The following DDX10 variants were observed in gnomAD, a reference collection of about 807,000 sequenced individuals.
DDX10 encodes the protein DEAD-box helicase 10.
DDX10 carries 74 observed loss-of-function variants against 104.3 expected under a neutral mutation model. The observed-to-expected ratio is 0.71, with a 90% CI of 0.59 to 0.86. The LOEUF is 0.86. DDX10 is among the 40% of genes least tolerant of loss of function. DDX10 has a pLI of 0.00. For synonymous variants in DDX10, 351 were observed against 353.4 expected (o/e 0.99, Z 0.08); for missense variants, 952 against 1,040.0 (o/e 0.92, Z 1.16).
At chr11:108,901,395 G>T (rs1863515325) in intron 16 of DDX10, among the ~76,000 whole-genome samples, 1 of 152,164 alleles carries the variant, frequency 6.6e-6, no homozygotes, top group African/African-American at 2.4e-5. Flanking sequence ...AAAGATATTT[G>T]TGTGATTTAA....
chr11:108,665,113 C>G lies in DDX10; in HGVS notation c.-41C>G, dbSNP rs371202116. On this transcript the variant is annotated 5_prime_UTR_variant, in exon 1 of 18. Coordinates refer to ENST00000322536, the MANE Select transcript of DDX10 (RefSeq NM_004398.4). ...TCCGTGAGTCTGGCCTTAGGTGTCTCGTGTCTGGGGTTGATCCGAGCTGTC... is the reference window on the plus strand; with the variant it reads ...TCCGTGAGTCTGGCCTTAGGTGTCTGGTGTCTGGGGTTGATCCGAGCTGTC... 372 of 1,562,724 alleles carry G rather than the reference C, an allele frequency of 2.4e-4. No individual in the cohort carries two copies. Among genetic ancestry groups the G allele is most frequent in the Admixed American group, 6.0e-4 (30 of 50,388 alleles).
chr11:108,870,242 A>G (rs1863062409), intron 16 of DDX10, among the ~76,000 whole-genome samples: 1 of 152,164 alleles, frequency 6.6e-6, no homozygotes, highest in Admixed American at 6.5e-5. Flanking sequence ...ATGAATTACT[A>G]ATTGTAACAG....
chr11:108,822,052 T>C (rs1259124014), intron 13 of DDX10, among the ~76,000 whole-genome samples: 1 of 152,264 alleles, frequency 6.6e-6, no homozygotes, highest in Non-Finnish European at 1.5e-5. Context: ...AAGATGGCAT[T>C]CACCATCTTT....
At chr11:108,796,257 A>G (rs770312026) in intron 13 of DDX10, among the ~76,000 whole-genome samples, 10 of 152,144 alleles carry the variant, frequency 6.6e-5, no homozygotes, top group Non-Finnish European at 1.3e-4. Flanking sequence ...CTGACGTTTC[A>G]TAGAGCCAAT....
At chr11:108,818,474 C>T (rs769237032) in intron 13 of DDX10, among the ~76,000 whole-genome samples, 6 of 152,046 alleles carry the variant, frequency 3.9e-5, no homozygotes, top group Non-Finnish European at 7.4e-5. Flanking sequence ...AACATAACTC[C>T]AGGAATCTTA....
chr11:108,895,531 C>T (rs1170455355), intron 16 of DDX10, among the ~76,000 whole-genome samples: 1 of 152,014 alleles, frequency 6.6e-6, no homozygotes, highest in Admixed American at 6.6e-5. Context: ...TTCAGTAATA[C>T]ATATCAATAT....
chr11:108,802,010 G>GGT (rs111450290), intron 13 of DDX10, among the ~76,000 whole-genome samples: 31,588 of 141,862 alleles, frequency 0.22, 3,402 homozygotes, highest in East Asian at 0.39. Context: ...AAGTGAGTGG[G>GGT]GTGTGTGTGT....
chr11:108,862,708 ATTTAACCTCCTCC>A (rs1354966771), intron 16 of DDX10, among the ~76,000 whole-genome samples: 2 of 152,294 alleles, frequency 1.3e-5, no homozygotes, highest in Admixed American at 1.3e-4. Flanking sequence ...GTTCAGAGAC[ATTTAACCTCCTCC>A]CCACCCCAGT....
intron 16 of DDX10, among the ~76,000 whole-genome samples, chr11:108,862,383 A>C (rs888308195): frequency 2.6e-5 from 4 of 152,164 alleles, no homozygotes; most frequent in Non-Finnish European, 4.4e-5. Context: ...CTTTCAGCCT[A>C]GATATTTTAA....
intron 9 of DDX10, among the ~76,000 whole-genome samples, chr11:108,698,287 G>A (rs968416722): frequency 6.6e-6 from 1 of 152,210 alleles, no homozygotes; most frequent in Non-Finnish European, 1.5e-5. Context: ...GTTTTCATGA[G>A]CATTAACTTT....
intron 13 of DDX10, among the ~76,000 whole-genome samples, chr11:108,732,341 C>T (rs1490669619): frequency 6.6e-6 from 1 of 152,130 alleles, no homozygotes; most frequent in Non-Finnish European, 1.5e-5. Context: ...ATTTGTGATG[C>T]TAAGTCACAT....
chr11:108,698,140 T>C (rs1225319526), intron 9 of DDX10, among the ~76,000 whole-genome samples: 1 of 152,132 alleles, frequency 6.6e-6, no homozygotes, highest in Non-Finnish European at 1.5e-5. Context: ...TGGCCACTAG[T>C]TAAAATCTGT....
chr11:108,920,503 A>G (rs1863809330), intron 17 of DDX10: 1 of 152,198 alleles, frequency 6.6e-6, no homozygotes, highest in Non-Finnish European at 1.5e-5. Context: ...TTGGCCTGTG[A>G]ACACAGAGAT....
intron 13 of DDX10, among the ~76,000 whole-genome samples, chr11:108,770,951 AT>A (rs79755454): frequency 0.031 from 4,684 of 152,006 alleles, 187 homozygotes; most frequent in East Asian, 0.22. Context: ...GGTTGTGCTA[AT>A]TTACATTCCC....
intron 17 of DDX10, among the ~76,000 whole-genome samples, chr11:108,930,501 G>A (rs1281021210): frequency 6.6e-6 from 1 of 152,100 alleles, no homozygotes; most frequent in Non-Finnish European, 1.5e-5. Context: ...GCTCCTTTGG[G>A]TAAATATCAA....
chr11:108,805,539 C>T (rs1203052740), intron 13 of DDX10, among the ~76,000 whole-genome samples: 1 of 152,204 alleles, frequency 6.6e-6, no homozygotes, highest in Non-Finnish European at 1.5e-5. Context: ...AGTTTAACTT[C>T]AATTTGTTAA....
At chr11:108,677,424 C>T (rs2094227206) in intron 4 of DDX10, among the ~76,000 whole-genome samples, 181 bp downstream of exon 4, 1 of 151,868 alleles carries the variant, frequency 6.6e-6, no homozygotes, top group African/African-American at 2.4e-5. Flanking sequence ...TTTTGCAGGC[C>T]CAGAAAGTCC....
At chr11:108,771,215 A>G (rs1220855069) in intron 13 of DDX10, among the ~76,000 whole-genome samples, 1 of 151,916 alleles carries the variant, frequency 6.6e-6, no homozygotes, top group Non-Finnish European at 1.5e-5. Context: ...TTTTTTTCCT[A>G]TAGAGTTCTT....
intron 13 of DDX10, among the ~76,000 whole-genome samples, chr11:108,776,886 C>CCTT (rs1317492296): frequency 6.6e-6 from 1 of 152,204 alleles, no homozygotes; most frequent in Admixed American, 6.5e-5. Context: ...TTGCCAACAA[C>CCTT]CTGAATGAGC....
Sources: gnomAD v4.1 joint callset for allele counts (sites outside exome capture counted in the v4.1 genomes callset) on GRCh38, gnomAD v4.1.1 for gene constraint, MANE v1.5 for transcripts, NCBI Gene and HGNC (gene_info 2026-07-23, HGNC 2026-07-21) for gene names.